IGBP1C: variants seen among roughly 807,000 people sequenced by gnomAD.
IGBP1C encodes the protein immunoglobulin-binding protein 1 family member C.
At chr17:58,663,739 A>T in the IGBP1C span, among the ~76,000 whole-genome samples, 2 of 152,116 alleles carry the variant, frequency 1.3e-5, no homozygotes, top group Non-Finnish European at 2.9e-5. Flanking sequence ...AAGTGCTGGG[A>T]TTACAGGCAT....
chr17:58,669,842 T>C, the IGBP1C span, among the ~76,000 whole-genome samples: 4 of 151,628 alleles, frequency 2.6e-5, no homozygotes, highest in African/African-American at 9.7e-5. Flanking sequence ...GGAAGGAGCA[T>C]TGGTGCTGCT....
chr17:58,660,627 A>G, the IGBP1C span: 1 of 791,460 alleles, frequency 1.3e-6, no homozygotes, highest in Middle Eastern at 2.2e-4. Context: ...GTGTCCTTCC[A>G]GTCATCCCAC....
At chr17:58,674,275 C>CAA in the IGBP1C span, among the ~76,000 whole-genome samples, 13 of 134,532 alleles carry the variant, frequency 9.7e-5, no homozygotes, top group African/African-American at 2.0e-4. Context: ...GACTCTGTCT[C>CAA]AAAAAAAAAA....
the IGBP1C span, among the ~76,000 whole-genome samples, chr17:58,673,785 T>A: frequency 2.2e-4 from 33 of 151,988 alleles, no homozygotes; most frequent in Non-Finnish European, 3.5e-4. Flanking sequence ...GTTGCCCAGC[T>A]TGGTCTCAAA....
the IGBP1C span, among the ~76,000 whole-genome samples, chr17:58,690,385 C>T: frequency 6.6e-6 from 1 of 152,150 alleles, no homozygotes; most frequent in Non-Finnish European, 1.5e-5. Flanking sequence ...AGGCTGGTCT[C>T]AAACTCCTGA....
the IGBP1C span, among the ~76,000 whole-genome samples, chr17:58,691,055 A>C: frequency 1.3e-5 from 2 of 151,872 alleles, no homozygotes; most frequent in African/African-American, 4.8e-5. Flanking sequence ...GTGTTTCGCC[A>C]TGTTGTCGAG....
chr17:58,691,393 G>T, the IGBP1C span, among the ~76,000 whole-genome samples: 1 of 152,090 alleles, frequency 6.6e-6, no homozygotes, highest in South Asian at 2.1e-4. Context: ...ACAGGGCCGG[G>T]CGCGGTGGCT....
At chr17:58,684,618 G>A in the IGBP1C span, among the ~76,000 whole-genome samples, 1 of 149,732 alleles carries the variant, frequency 6.7e-6, no homozygotes, top group Non-Finnish European at 1.5e-5. Context: ...GGGCGACAGT[G>A]AGACCCTGTC....
the IGBP1C span, among the ~76,000 whole-genome samples, chr17:58,669,921 A>C: frequency 6.6e-6 from 1 of 151,504 alleles, no homozygotes; most frequent in African/African-American, 2.4e-5. Context: ...TAAAGCACCA[A>C]CTCCATCCCA....
chr17:58,675,689 C>T, the IGBP1C span, among the ~76,000 whole-genome samples: 1 of 152,170 alleles, frequency 6.6e-6, no homozygotes, highest in African/African-American at 2.4e-5. Context: ...ATCTGCATTC[C>T]CCTCACCCAG....
chr17:58,674,310 T>C, the IGBP1C span, among the ~76,000 whole-genome samples: 2 of 149,942 alleles, frequency 1.3e-5, no homozygotes, highest in African/African-American at 4.9e-5. Context: ...TTTGACAGAA[T>C]TGAGAACCAC....
the IGBP1C span, among the ~76,000 whole-genome samples, chr17:58,668,336 T>C: frequency 2.0e-5 from 3 of 152,202 alleles, no homozygotes; most frequent in African/African-American, 2.4e-5. Flanking sequence ...AAAGTCATCC[T>C]TACAGCAAAA....
At chr17:58,672,558 C>T in the IGBP1C span, among the ~76,000 whole-genome samples, 2 of 152,030 alleles carry the variant, frequency 1.3e-5, no homozygotes, top group Non-Finnish European at 2.9e-5. Flanking sequence ...CTCAGCCTCC[C>T]GAGTAGCTGG....
chr17:58,661,292 T>G, the IGBP1C span: 8 of 812,382 alleles, frequency 9.8e-6, no homozygotes, highest in Non-Finnish European at 4.5e-6. Flanking sequence ...CTGCTGCAAA[T>G]GATCTAGACG....
the IGBP1C span, chr17:58,675,562 A>C: frequency 6.6e-6 from 1 of 152,210 alleles, no homozygotes; most frequent in Admixed American, 6.5e-5. Context: ...GGCTCTTTCT[A>C]AAAATCAAAC....
At chr17:58,666,402 T>C in the IGBP1C span, 2 of 129,476 alleles carry the variant, frequency 1.5e-5, no homozygotes, top group African/African-American at 2.9e-5. Context: ...AGCGCATGAA[T>C]TCGGATGCCA....
At chr17:58,663,001 G>T in the IGBP1C span, among the ~76,000 whole-genome samples, 1 of 151,860 alleles carries the variant, frequency 6.6e-6, no homozygotes, top group Non-Finnish European at 1.5e-5. Flanking sequence ...CCAGCCACTC[G>T]GAGAGGCTGA....
At chr17:58,680,186 C>T in the IGBP1C span, among the ~76,000 whole-genome samples, 2 of 152,040 alleles carry the variant, frequency 1.3e-5, no homozygotes, top group Non-Finnish European at 2.9e-5. Context: ...CAGTCTTCCC[C>T]AGCAGCTGCA....
the IGBP1C span, chr17:58,661,813 C>T: frequency 6.2e-6 from 3 of 485,226 alleles, no homozygotes; most frequent in African/African-American, 4.0e-5. Context: ...CAAACTTTGT[C>T]TCTCTGTTTC....
Sources: allele counts gnomAD v4.1 joint callset (sites outside exome capture counted in the v4.1 genomes callset), GRCh38; gene constraint gnomAD v4.1.1; transcripts MANE v1.5; gene names NCBI Gene and HGNC (gene_info 2026-07-23, HGNC 2026-07-21).